TRPC7: variants seen among roughly 807,000 people sequenced by gnomAD.
TRPC7 encodes transient receptor potential cation channel subfamily C member 7.
In TRPC7, 42 loss-of-function variants were observed where a neutral mutation model predicts 90.1. That is an observed-to-expected ratio of 0.47 (90% confidence interval 0.36 to 0.60). TRPC7 has a LOEUF of 0.60. Ranked by LOEUF, TRPC7 falls within the 20% of genes least tolerant of loss-of-function variation. The pLI, the probability that TRPC7 is intolerant of heterozygous loss-of-function variation, is 0.00. For synonymous variants in TRPC7, 451 were observed against 436.3 expected, an observed-to-expected ratio of 1.03 and a Z score of -0.42; for missense variants, 955 against 1,112.3, an observed-to-expected ratio of 0.86 and a Z score of 2.01.
At chr5:136,339,486 C>G (rs530864350) in intron 2 of TRPC7, among the ~76,000 whole-genome samples, 1 of 152,244 alleles carries the variant, frequency 6.6e-6, no homozygotes, top group Non-Finnish European at 1.5e-5. Context: ...GTAAATTCCC[C>G]AATTGGTCCT....
At chr5:136,307,508 A>C (rs1758677521) in intron 3 of TRPC7, among the ~76,000 whole-genome samples, 1 of 152,254 alleles carries the variant, frequency 6.6e-6, no homozygotes, top group African/African-American at 2.4e-5. Flanking sequence ...AATACAACAC[A>C]TCCTTGGATA....
chr5:136,263,128 G>A (rs1756910720), intron 5 of TRPC7, among the ~76,000 whole-genome samples: 1 of 152,176 alleles, frequency 6.6e-6, no homozygotes, highest in African/African-American at 2.4e-5. Context: ...AAGCCGAACC[G>A]TTTTCAGAGC....
rs116812558 is a variant in TRPC7 at position 136,312,526 on chromosome 5, T to C, written c.963+3071A>G. On this transcript the variant is annotated intron_variant, in intron 3 of 11. Transcript: ENST00000513104. ...AAAACCTCTGTGAAGCAAAAGCTCA[T>C]ATGTCCATTCTGCAAATGGGGAATG... Among the ~76,000 whole-genome samples, 668 of 152,244 alleles carry C rather than the reference T, an allele frequency of 4.4e-3. 5 individuals carry two copies. Among genetic ancestry groups the C allele is most frequent in the African/African-American group, 0.015 (632 of 41,564 alleles).
intron 8 of TRPC7, among the ~76,000 whole-genome samples, chr5:136,229,918 T>C (rs115914558): frequency 6.6e-6 from 1 of 152,244 alleles, no homozygotes. Context: ...TCCTTGGAGT[T>C]CTTCTCTATG....
chr5:136,214,889 A>G (rs1263990125), intron 11 of TRPC7, among the ~76,000 whole-genome samples: 1 of 152,216 alleles, frequency 6.6e-6, no homozygotes, highest in East Asian at 1.9e-4. Flanking sequence ...TATCTCATTA[A>G]TTACCTGGCA....
intron 5 of TRPC7, among the ~76,000 whole-genome samples, chr5:136,255,627 A>T (rs1366594808): frequency 1.3e-5 from 2 of 152,230 alleles, no homozygotes; most frequent in Non-Finnish European, 2.9e-5. Flanking sequence ...TAGTGGTCTG[A>T]AACTGAACTT....
intron 2 of TRPC7, among the ~76,000 whole-genome samples, chr5:136,326,442 C>T (rs1307851874): frequency 1.3e-5 from 2 of 152,126 alleles, no homozygotes; most frequent in East Asian, 1.9e-4. Flanking sequence ...AGACATTTTC[C>T]TCCTGTTGCT....
intron 7 of TRPC7, among the ~76,000 whole-genome samples, chr5:136,239,020 C>A (rs542420308): frequency 6.6e-6 from 1 of 152,298 alleles, no homozygotes; most frequent in African/African-American, 2.4e-5. Context: ...CTGAGCCTGA[C>A]TTGAGCCCCA....
At chr5:136,324,251 T>G (rs1457911180) in intron 2 of TRPC7, among the ~76,000 whole-genome samples, 1 of 152,170 alleles carries the variant, frequency 6.6e-6, no homozygotes, top group African/African-American at 2.4e-5. Flanking sequence ...TTGTTGACCT[T>G]GAATAAACAC....
At chr5:136,251,964 G>T in intron 5 of TRPC7, 82 bp from the exon 6 acceptor site, 3 of 1,098,378 alleles carry the variant, frequency 2.7e-6, no homozygotes, top group Non-Finnish European at 1.4e-6. Flanking sequence ...GGGAACCAGA[G>T]TACAAATGTA....
chr5:136,220,445 A>G (rs1755416336), intron 10 of TRPC7, among the ~76,000 whole-genome samples: 1 of 152,152 alleles, frequency 6.6e-6, no homozygotes, highest in Non-Finnish European at 1.5e-5. Flanking sequence ...TGTCTGTCTT[A>G]TGAGGTTGAG....
intron 2 of TRPC7, among the ~76,000 whole-genome samples, chr5:136,333,557 T>C (rs1204507700): frequency 6.6e-6 from 1 of 152,256 alleles, no homozygotes; most frequent in African/African-American, 2.4e-5. Context: ...TATATTGACA[T>C]GCTGTCCTTC....
In TRPC7 at chr5:136,266,080, A is replaced by T. The variant is rs1000194704; in HGVS notation, c.1345+140T>A. Reference sequence around the variant, plus strand: ...ATCTTAAAGACAGAAGTTGACTCTGACTTTCTTGTTGGTCATCCACTCACC... The same window carrying T: ...ATCTTAAAGACAGAAGTTGACTCTGTCTTTCTTGTTGGTCATCCACTCACC... On this transcript the variant is annotated intron_variant, in intron 5 of 11. Transcript: ENST00000513104. 3 of 741,868 alleles carry T rather than the reference A, an allele frequency of 4.0e-6. No homozygotes were observed. The African/African-American group carries it at 5.3e-5, about 13-fold the overall frequency. The allele number at this position is 741,868 out of a possible 1,614,324, so 46.0% of individuals were successfully genotyped here.
intron 9 of TRPC7, 107 bp downstream of exon 9, chr5:136,225,926 TC>T: frequency 1.1e-6 from 1 of 906,730 alleles, no homozygotes; most frequent in South Asian, 1.7e-5. Flanking sequence ...AGCTCCTGGC[TC>T]CCCTTGCATG....
At chr5:136,287,687 C>A (rs1221895653) in intron 3 of TRPC7, among the ~76,000 whole-genome samples, 10 of 59,516 alleles carry the variant, frequency 1.7e-4, no homozygotes, top group East Asian at 6.0e-4. Context: ...AGTGGATGCT[C>A]AAAAAAAAAA....
At chr5:136,268,541 G>T (rs1406437361) in intron 4 of TRPC7, among the ~76,000 whole-genome samples, 1 of 152,178 alleles carries the variant, frequency 6.6e-6, no homozygotes, top group Non-Finnish European at 1.5e-5. Flanking sequence ...TCTCACCCAG[G>T]TGAGGCACCT....
chr5:136,240,089 A>G (rs576729038), intron 7 of TRPC7, among the ~76,000 whole-genome samples: 1 of 152,282 alleles, frequency 6.6e-6, no homozygotes, highest in South Asian at 2.1e-4. Flanking sequence ...GTGCTTCACA[A>G]TCTAGCTCCC....
intron 2 of TRPC7, among the ~76,000 whole-genome samples, chr5:136,319,502 T>C (rs1243936339): frequency 6.6e-6 from 1 of 152,160 alleles, no homozygotes; most frequent in Non-Finnish European, 1.5e-5. Flanking sequence ...ACTTCTCCCT[T>C]CAATGACTAC....
intron 7 of TRPC7, among the ~76,000 whole-genome samples, chr5:136,245,960 A>T (rs1009375292): frequency 2.6e-4 from 39 of 152,222 alleles, no homozygotes; most frequent in African/African-American, 9.4e-4. Flanking sequence ...CTCTTCCACT[A>T]GACCCTTCTC....
Sources: allele counts gnomAD v4.1 joint callset (sites outside exome capture counted in the v4.1 genomes callset), GRCh38; gene constraint gnomAD v4.1.1; transcripts MANE v1.5; gene names NCBI Gene and HGNC (gene_info 2026-07-23, HGNC 2026-07-21).